Variants in SLC25A44 observed in about 807,000 individuals in gnomAD.
The protein encoded by SLC25A44 is solute carrier family 25, member 44.
SLC25A44 carries 17 observed loss-of-function variants against 29.9 expected under a neutral mutation model. That is an observed-to-expected ratio of 0.57 (90% CI 0.39 to 0.85). The LOEUF is 0.85. SLC25A44 is among the 40% of genes least tolerant of loss of function. The pLI is 0.00. For synonymous variants in SLC25A44, 140 were observed against 151.8 expected (o/e 0.92, Z 0.57); for missense variants, 302 against 398.4 (o/e 0.76, Z 2.06).
chr1:156,209,788 C>T (rs757060888), intron 3 of SLC25A44, among the ~76,000 whole-genome samples: 2 of 152,090 alleles, frequency 1.3e-5, no homozygotes, highest in Non-Finnish European at 2.9e-5. Context: ...TTTAACCCAG[C>T]CTCCCTGAGA....
In SLC25A44 at chr1:156,200,417, G is replaced by A. The variant is rs1313482285; in HGVS notation, c.570G>A (p.Leu190=). Residue 190 remains leucine, a synonymous_variant, in exon 2 of 4, where the codon CTG becomes CTA. Coordinates refer to ENST00000359511, the MANE Select transcript of SLC25A44 (RefSeq NM_014655.4). The stretch of plus-strand genomic sequence containing the variant: ...TCTATCGAGGCTATGTGGCTTCACT[G>A]CTTACCTATATCCCAAACAGTGCTG... ...RGFYRGYVAS[L]LTYIPNSAVW... The A allele has an allele frequency of 6.2e-7, 1 of 1,613,728 alleles. No homozygotes were observed. The highest frequency in any genetic ancestry group is 2.2e-5 in the East Asian group (1 of 44,888).
chr1:156,194,633 C>T (rs568441679), intron 1 of SLC25A44, among the ~76,000 whole-genome samples: 9 of 152,152 alleles, frequency 5.9e-5, no homozygotes, highest in South Asian at 4.1e-4. Flanking sequence ...GAGATGATCT[C>T]GAAGGAGGGT....
rs2853641 is a variant in SLC25A44, at chr1:156,211,979, A to G, written c.*1548A>G. On this transcript the variant is annotated 3_prime_UTR_variant, in exon 4 of 4. Coordinates refer to ENST00000359511, the MANE Select transcript of SLC25A44 (RefSeq NM_014655.4). ...TTGGCCAGAACAGGTTCTGAAAACC[A>G]CTTCTCTACCTTCACCACCACCACT... is the stretch of plus-strand genomic sequence containing the variant. 63,971 of 152,534 alleles carry G rather than the reference A, an allele frequency of 0.42. 14,901 individuals carry two copies. Among genetic ancestry groups the G allele is most frequent in the African/African-American group, 0.63 (26,173 of 41,424 alleles). The allele number at this position is 152,534 out of a possible 1,614,324, so 9.4% of individuals were successfully genotyped here.
chr1:156,195,338 C>T (rs1316981196), intron 1 of SLC25A44, among the ~76,000 whole-genome samples: 3 of 152,028 alleles, frequency 2.0e-5, no homozygotes, highest in Non-Finnish European at 4.4e-5. Context: ...CTCCTGACCT[C>T]GTGGTCCGCC....
chr1:156,196,460 G>A (rs1656218450), intron 1 of SLC25A44: 1 of 152,254 alleles, frequency 6.6e-6, no homozygotes, highest in Admixed American at 6.5e-5. Context: ...TGGAGACAAG[G>A]TGGGAAATCG....
intron 2 of SLC25A44, among the ~76,000 whole-genome samples, chr1:156,201,788 C>CT: frequency 6.6e-6 from 1 of 152,090 alleles, no homozygotes; most frequent in Non-Finnish European, 1.5e-5. Flanking sequence ...TACCCTGACC[C>CT]TTTAATGTTA....
At chr1:156,208,080 C>G in intron 3 of SLC25A44, 67 bp downstream of exon 3, 1 of 1,418,940 alleles carries the variant, frequency 7.0e-7, no homozygotes, top group African/African-American at 1.4e-5. Flanking sequence ...TTCAAGCCCT[C>G]CAGTGTTGCC....
intron 2 of SLC25A44, among the ~76,000 whole-genome samples, chr1:156,206,165 C>T (rs1456536109): frequency 2.6e-5 from 4 of 151,534 alleles, no homozygotes; most frequent in East Asian, 3.9e-4. Context: ...TAGTATGCAA[C>T]GAAAAGGCTC....
Position 156,200,258 on chromosome 1 carries a change from G to A in SLC25A44, c.411G>A (p.Leu137=). ...TVPIDVVSQH[L]MMQRKGEKMG... ...CCATTGATGTAGTCTCCCAGCACCT[G>A]ATGATGCAACGCAAGGGTGAGAAAA... The change falls in exon 2 of 4, where the codon CTG becomes CTA. Residue 137 remains leucine, a synonymous_variant. Transcript: ENST00000359511. 1 of 1,614,184 alleles carries A rather than the reference G, an allele frequency of 6.2e-7. No individual in the cohort carries two copies. Among genetic ancestry groups the A allele is most frequent in the Non-Finnish European group, 8.5e-7 (1 of 1,180,028 alleles).
chr1:156,195,629 T>C (rs1312338109), intron 1 of SLC25A44, among the ~76,000 whole-genome samples: 2 of 152,222 alleles, frequency 1.3e-5, no homozygotes, highest in African/African-American at 2.4e-5. Context: ...ATATACAGCA[T>C]TGATAGGCTT....
chr1:156,204,256 C>T (rs950256664), intron 2 of SLC25A44, among the ~76,000 whole-genome samples: 6 of 152,026 alleles, frequency 3.9e-5, no homozygotes, highest in African/African-American at 1.5e-4. Context: ...ATCCACCTGC[C>T]TCGGCCTCCC....
rs1390275718 is a variant in SLC25A44, at chr1:156,200,045, A to AT, written c.198_199insT (p.Ala67CysfsTer29). 1 of 1,614,154 alleles carries AT rather than the reference A, an allele frequency of 6.2e-7. No individual in the cohort carries two copies. Among genetic ancestry groups the AT allele is most frequent in the East Asian group, 2.2e-5 (1 of 44,884 alleles). On this transcript the variant is annotated frameshift_variant, in exon 2 of 4. Transcript: ENST00000359511. LOFTEE classifies it high-confidence loss of function. ...TCGATGCCTTCATCAAGATCCTGCG[A>AT]GCAGATGGTATCACTGGCCTCTACC...
Position 156,211,445 on chromosome 1 carries a change from G to C in SLC25A44, c.*1014G>C. Reference sequence around the variant, plus strand: ...ACCCAGGCCAGCAGAGCCAAACCTAGGAGAGGGCAGTGGGTAGATTCTCTG... The same window carrying C: ...ACCCAGGCCAGCAGAGCCAAACCTACGAGAGGGCAGTGGGTAGATTCTCTG... On this transcript the variant is annotated 3_prime_UTR_variant, in exon 4 of 4. Transcript: ENST00000359511. 6.6e-6 allele frequency: 1 copy of C among 152,392 alleles called. No homozygotes were observed. Among genetic ancestry groups the C allele is most frequent in the Non-Finnish European group, 1.5e-5 (1 of 68,072 alleles). 9.4% of individuals were successfully genotyped at this position (152,392 alleles called of 1,614,324 possible). A position where few individuals can be genotyped will look rare whatever the true frequency, so the allele number is the denominator to read the frequency against.
rs1006158967 is a variant in SLC25A44, at chr1:156,211,701, C to T, written c.*1270C>T. 2.6e-5 allele frequency: 4 copies of T among 152,762 alleles called. No individual in the cohort carries two copies. The highest frequency in any genetic ancestry group is 5.9e-5 in the Non-Finnish European group (4 of 68,048). 9.5% of individuals were successfully genotyped at this position (152,762 alleles called of 1,614,324 possible). ...GATACTGCCAAGATTATCTGATGCTCTCCTCAGGAGCTAGGAGAGGAGTGC... is the reference window on the plus strand; with the variant it reads ...GATACTGCCAAGATTATCTGATGCTTTCCTCAGGAGCTAGGAGAGGAGTGC... On this transcript the variant is annotated 3_prime_UTR_variant, in exon 4 of 4. Coordinates refer to ENST00000359511, the MANE Select transcript of SLC25A44 (RefSeq NM_014655.4).
At position 156,208,305 on chromosome 1, in the gene SLC25A44, C is replaced by T. The variant is rs377339149; in HGVS notation, c.753+292C>T. Among the ~76,000 whole-genome samples the T allele has an allele frequency of 1.6e-4, 25 of 152,220 alleles. No homozygotes were observed. The East Asian group carries it at 3.5e-3, about 21-fold the overall frequency. On this transcript the variant is annotated intron_variant, in intron 3 of 3. Coordinates refer to ENST00000359511, the MANE Select transcript of SLC25A44 (RefSeq NM_014655.4). ...CCAACATGGTGAAACCCTGTCTCTACTAAAAATAAAAAATTAGCTGGGTGT... is the reference window on the plus strand; with the variant it reads ...CCAACATGGTGAAACCCTGTCTCTATTAAAAATAAAAAATTAGCTGGGTGT...
Position 156,198,456 on chromosome 1 carries a change from CT to C in SLC25A44, c.-13-1367del, listed in dbSNP as rs56203315. ...TACTCTGGTTTCCTTCCCTCTGTAT[CT>C]TTTTTTTTTTTGAGATGGAGTCTCA... On this transcript the variant is annotated intron_variant, in intron 1 of 3. Coordinates refer to ENST00000359511, the MANE Select transcript of SLC25A44 (RefSeq NM_014655.4). The surrounding 1 kb of genome is among the most constrained non-coding windows in gnomAD (Gnocchi z 4.1). The C allele has an allele frequency of 9.5e-4, 139 of 146,208 alleles. No homozygotes were observed. The highest frequency in any genetic ancestry group is 7.5e-4 in the Admixed American group (11 of 14,710). 9.1% of individuals were successfully genotyped at this position (146,208 alleles called of 1,614,324 possible).
intron 2 of SLC25A44, among the ~76,000 whole-genome samples, chr1:156,205,966 T>C (rs975013341): frequency 6.6e-6 from 1 of 152,216 alleles, no homozygotes; most frequent in Admixed American, 6.5e-5. Flanking sequence ...GGTAGACTTC[T>C]CAGTGGTACT....
chr1:156,195,261 G>A (rs1190005084), intron 1 of SLC25A44, among the ~76,000 whole-genome samples: 1 of 152,016 alleles, frequency 6.6e-6, no homozygotes, highest in Non-Finnish European at 1.5e-5. Flanking sequence ...CCACCACCAC[G>A]CCCGGCTAAT....
rs1558177719 is a variant in SLC25A44, at chr1:156,200,135, C to T, written c.288C>T (p.Leu96=). The T allele has an allele frequency of 1.9e-6, 3 of 1,614,166 alleles. No individual in the cohort carries two copies. The highest frequency in any genetic ancestry group is 2.5e-6 in the Non-Finnish European group (3 of 1,180,022). Residue 96 remains leucine (L), a synonymous_variant, in exon 2 of 4, where the codon CTC becomes CTT. Coordinates refer to ENST00000359511, the MANE Select transcript of SLC25A44 (RefSeq NM_014655.4). ...SGQCYVTTYE[L]TRKFVADYSQ... ...AGTGTTATGTCACCACTTATGAGCT[C>T]ACCCGGAAGTTTGTAGCTGACTACA...
Sources: allele counts gnomAD v4.1 joint callset (sites outside exome capture counted in the v4.1 genomes callset), GRCh38; gene constraint gnomAD v4.1.1; non-coding constraint Gnocchi (gnomAD v3.1); transcripts MANE v1.5; gene names NCBI Gene and HGNC (gene_info 2026-07-23, HGNC 2026-07-21).